SLK: variants seen among roughly 807,000 people sequenced by gnomAD.
SLK encodes the protein STE20-like serine/threonine-protein kinase.
SLK carries 67 observed loss-of-function variants against 147.7 expected under a neutral mutation model. The observed-to-expected ratio is 0.45, with a 90% CI of 0.37 to 0.56. The LOEUF (loss-of-function observed/expected upper bound fraction) is 0.56. Ranked by LOEUF, SLK falls within the 20% of genes least tolerant of loss-of-function variation. The pLI is 0.00. For synonymous variants in SLK, 441 were observed against 475.0 expected (o/e 0.93, Z 0.93); for missense variants, 1,136 against 1,438.8 (o/e 0.79, Z 3.41).
At chr10:103,986,692 T>TA (rs368766440) in intron 1 of SLK, among the ~76,000 whole-genome samples, 6 of 125,142 alleles carry the variant, frequency 4.8e-5, no homozygotes, top group East Asian at 4.3e-4. Context: ...TTTTTTTTTT[T>TA]CCCTGAGACA....
intron 15 of SLK, among the ~76,000 whole-genome samples, chr10:104,019,450 T>G (rs1320887523): frequency 6.6e-6 from 1 of 151,956 alleles, no homozygotes; most frequent in Non-Finnish European, 1.5e-5. Context: ...AAAAATTTTG[T>G]GTGTGGAGAC....
At chr10:103,972,886 CTTTG>C (rs565548522) in intron 1 of SLK, among the ~76,000 whole-genome samples, 107 of 152,046 alleles carry the variant, frequency 7.0e-4, no homozygotes, top group East Asian at 1.2e-3. Context: ...CTCTTGAAGT[CTTTG>C]TTTGTATGTT....
chr10:104,020,719 A>G (rs913195810), intron 17 of SLK, 106 bp downstream of exon 17: 4 of 1,241,452 alleles, frequency 3.2e-6, no homozygotes, highest in Middle Eastern at 2.0e-4. Flanking sequence ...ATACACGAAC[A>G]TGCTGGGTTT....
At position 104,025,720 on chromosome 10, in the gene SLK, A is replaced by T; in HGVS notation, c.3708A>T (p.Ter1236TyrextTer61). Reference protein sequence around the residue: ...PIPSLHSTGS* With the variant: ...PIPSLHSTGSY ...CCAGCTTGCATTCCACCGGATCATA[A>T]CAAAGGGAAGCATTCTGTGCGTGGG... The change falls in exon 19 of 19, where the codon TAA (stop) becomes TAT (tyrosine). Residue 1236 changes from the stop codon to tyrosine, a stop_lost. Coordinates refer to ENST00000369755, the MANE Select transcript of SLK (RefSeq NM_014720.4). The T allele has an allele frequency of 6.2e-7, 1 of 1,614,012 alleles. No homozygotes were observed.
rs1655786919 is a variant in SLK at position 103,973,105 on chromosome 10, G to A, written c.150+5210G>A. Reference sequence around the variant, plus strand: ...TATGTTTAAGACATTTCTTCCTAATGTGTGATCATGAAGATAATCTTCTAT... The same window carrying A: ...TATGTTTAAGACATTTCTTCCTAATATGTGATCATGAAGATAATCTTCTAT... On this transcript the variant is annotated intron_variant, in intron 1 of 18. Transcript: ENST00000369755. 4.6e-5 allele frequency among the ~76,000 whole-genome samples: 7 copies of A among 152,084 alleles called. No homozygotes were observed. The South Asian group carries it at 1.2e-3, about 27-fold the overall frequency.
chr10:104,025,523 T>A, intron 18 of SLK, 51 bp from the exon 19 acceptor site: 1 of 1,558,400 alleles, frequency 6.4e-7, no homozygotes, highest in Non-Finnish European at 8.8e-7. Flanking sequence ...CAGCATAAAT[T>A]CTATATATAA....
At chr10:103,995,367 T>C (rs1295622250) in intron 4 of SLK, among the ~76,000 whole-genome samples, 3 of 151,974 alleles carry the variant, frequency 2.0e-5, no homozygotes, top group Admixed American at 1.3e-4. Context: ...GGCTCATCTG[T>C]GTATTTCCTG....
In SLK at chr10:103,993,042, T is replaced by C; in HGVS notation, c.423T>C (p.Asp141=). The C allele has an allele frequency of 6.2e-7, 1 of 1,609,934 alleles. No homozygotes were observed. The highest frequency in any genetic ancestry group is 1.1e-5 in the South Asian group (1 of 90,822). Residue 141 remains aspartate, a synonymous_variant, in exon 4 of 19, where the codon GAT becomes GAC. Transcript: ENST00000369755. ...AAGTAGTTTGCAAGCAGACTTTAGATGCATTGAACTACTTACATGATAATA... is the reference window on the plus strand; with the variant it reads ...AAGTAGTTTGCAAGCAGACTTTAGACGCATTGAACTACTTACATGATAATA... ...QIQVVCKQTL[D]ALNYLHDNKI...
chr10:103,984,767 C>G (rs1843990984), intron 1 of SLK, among the ~76,000 whole-genome samples: 1 of 152,146 alleles, frequency 6.6e-6, no homozygotes, highest in Non-Finnish European at 1.5e-5. Flanking sequence ...TGCTAATATA[C>G]TGATTTATTT....
intron 11 of SLK, among the ~76,000 whole-genome samples, chr10:104,006,532 A>G (rs891961555): frequency 2.0e-5 from 3 of 152,194 alleles, no homozygotes; most frequent in Non-Finnish European, 4.4e-5. Flanking sequence ...GCTAGAGGAA[A>G]TAGTGCTGAC....
intron 6 of SLK, among the ~76,000 whole-genome samples, 192 bp downstream of exon 6, chr10:103,999,505 A>G (rs975981738): frequency 6.6e-6 from 1 of 152,216 alleles, no homozygotes; most frequent in Non-Finnish European, 1.5e-5. Flanking sequence ...CACTTTTCCC[A>G]TATATCTGAA....
chr10:104,008,187 G>A lies in SLK; in HGVS notation c.2615G>A (p.Arg872Gln), dbSNP rs1463081060. 2 of 1,612,474 alleles carry A rather than the reference G, an allele frequency of 1.2e-6. No homozygotes were observed. Among genetic ancestry groups the A allele is most frequent in the Admixed American group, 1.7e-5 (1 of 59,672 alleles). Residue 872 changes from arginine to glutamine, a missense_variant, in exon 12 of 19, where the codon CGA becomes CAA. By Grantham distance (43) the Arg-to-Gln change is conservative. Around this residue, in one of 6 missense-constraint regions of SLK, gnomAD observed 327 missense variants for 457.5 expected, o/e 0.71. Transcript: ENST00000369755. ...TATATTGTTTTACAGAGTAAAAAGCGACAATATGACCAGGAAATTGAGAAT... is the reference window on the plus strand; with the variant it reads ...TATATTGTTTTACAGAGTAAAAAGCAACAATATGACCAGGAAATTGAGAAT... Reference protein sequence around the residue: ...RFEQEMMSKKRQYDQEIENLE... With the variant: ...RFEQEMMSKKQQYDQEIENLE...
rs957243716 is a variant in SLK, at chr10:103,993,279, T to A, written c.514+146T>A. On this transcript the variant is annotated intron_variant, in intron 4 of 18. Transcript: ENST00000369755. ...TGCTGGTTTTTAAAAAACACTTTTT[T>A]AGGTAAATACTCATTTTTCTATAAT... 11 of 481,288 alleles carry A rather than the reference T, an allele frequency of 2.3e-5. No individual in the cohort carries two copies. The East Asian group carries it at 3.8e-4, about 16-fold the overall frequency. The allele number at this position is 481,288 out of a possible 1,614,324, so 29.8% of individuals were successfully genotyped here.
chr10:103,976,337 C>T (rs780030071), intron 1 of SLK, among the ~76,000 whole-genome samples: 20 of 152,230 alleles, frequency 1.3e-4, no homozygotes, highest in African/African-American at 3.9e-4. Context: ...ACATATCTTC[C>T]AAAGCGGTTG....
In SLK at chr10:104,002,435, C is replaced by T. The variant is rs1381142342; in HGVS notation, c.1257C>T (p.Ile419=). Residue 419 remains isoleucine, a synonymous_variant, in exon 9 of 19, where the codon ATC becomes ATT. Transcript: ENST00000369755. ...MTELHDRTAV[I]KENEREKRPK... is the part of the protein sequence containing the mutation. ...AACTCCATGACAGAACAGCAGTAATCAAGGAGAATGAAAGAGAGAAGAGGC... is the reference window on the plus strand; with the variant it reads ...AACTCCATGACAGAACAGCAGTAATTAAGGAGAATGAAAGAGAGAAGAGGC... The T allele has an allele frequency of 6.2e-7, 1 of 1,613,868 alleles. No homozygotes were observed. The highest frequency in any genetic ancestry group is 1.7e-5 in the Admixed American group (1 of 59,998).
At chr10:104,004,674 A>C (rs1844300879) in intron 9 of SLK, among the ~76,000 whole-genome samples, 1 of 152,154 alleles carries the variant, frequency 6.6e-6, no homozygotes, top group African/African-American at 2.4e-5. Context: ...ATTTGGATGC[A>C]TTTTGAGTTT....
At chr10:104,015,971 C>G (rs1048629776) in intron 13 of SLK, among the ~76,000 whole-genome samples, 6 of 151,692 alleles carry the variant, frequency 4.0e-5, no homozygotes, top group Non-Finnish European at 8.8e-5. Flanking sequence ...AAAAGAAAAC[C>G]CTTTGATATT....
At chr10:104,017,298 A>G (rs1844476575) in intron 13 of SLK, among the ~76,000 whole-genome samples, 1 of 152,222 alleles carries the variant, frequency 6.6e-6, no homozygotes, top group Non-Finnish European at 1.5e-5. Context: ...TTCTCTAGCA[A>G]TGCATTCTCA....
intron 1 of SLK, among the ~76,000 whole-genome samples, chr10:103,970,557 T>G (rs148760584): frequency 1.2e-4 from 18 of 152,298 alleles, no homozygotes; most frequent in Admixed American, 2.0e-4. Context: ...GTATGAGTTT[T>G]TTAAAAAATA....
Sources: allele counts gnomAD v4.1 joint callset (sites outside exome capture counted in the v4.1 genomes callset), GRCh38; gene constraint gnomAD v4.1.1; regional missense constraint gnomAD v4.1.1; transcripts MANE v1.5; gene names NCBI Gene and HGNC (gene_info 2026-07-23, HGNC 2026-07-21).